Variants in CD36 observed in about 807,000 individuals in gnomAD.
CD36 encodes the protein platelet glycoprotein 4.
Under a neutral mutation model 55.2 loss-of-function variants are expected in CD36, and 119 were observed. The observed-to-expected ratio is 2.15, with a 90% CI of 1.86 to 2.51. The LOEUF (loss-of-function observed/expected upper bound fraction) is 2.51. Ranked by LOEUF, CD36 falls within the 30% of genes most tolerant of loss-of-function variation. The probability of loss-of-function intolerance (pLI) is 0.00; values close to 1 mark genes in which losing one functional copy is unlikely to be tolerated. For missense variants in CD36, 819 were observed against 555.5 expected, an observed-to-expected ratio of 1.47 and a Z score of -4.77; for synonymous variants, 186 against 193.6, an observed-to-expected ratio of 0.96 and a Z score of 0.33.
At chr7:80,664,359 G>GA (rs781646093) in intron 6 of CD36, 47 bp from the exon 7 acceptor site, 9 of 1,028,990 alleles carry the variant, frequency 8.7e-6, no homozygotes, top group East Asian at 2.4e-5. Flanking sequence ...GTACAACTTT[G>GA]AAAAAATGAC....
rs1449754068 is a variant in CD36, at chr7:80,643,267, G to A, written c.-183-2821G>A. Among the ~76,000 whole-genome samples the A allele has an allele frequency of 2.0e-5, 3 of 151,954 alleles. No homozygotes were observed. The South Asian group carries it at 6.2e-4, about 32-fold the overall frequency. On this transcript the variant is annotated intron_variant, in intron 1 of 14. Coordinates refer to ENST00000447544, the MANE Select transcript of CD36 (RefSeq NM_001001548.3). ...GGTTGTGGCATAGAATCTGGAGAAGGGCTAATATATGCACATATACCTATT... is the reference window on the plus strand; with the variant it reads ...GGTTGTGGCATAGAATCTGGAGAAGAGCTAATATATGCACATATACCTATT...
upstream of CD36, among the ~76,000 whole-genome samples, chr7:80,634,263 A>C (rs1418847965): frequency 6.6e-6 from 1 of 152,012 alleles, no homozygotes; most frequent in Non-Finnish European, 1.5e-5. Flanking sequence ...TGTGTTGACT[A>C]TGTTATTGTA....
intron 1 of CD36, among the ~76,000 whole-genome samples, chr7:80,626,447 A>T (rs10247260): frequency 0.35 from 52,702 of 151,864 alleles, 9,261 homozygotes; most frequent in South Asian, 0.45. Flanking sequence ...AAATCTACAG[A>T]ATGTGATTTA....
At chr7:80,670,102 C>T (rs575373003) in intron 9 of CD36, 80 bp downstream of exon 9, 2 of 848,130 alleles carry the variant, frequency 2.4e-6, no homozygotes, top group South Asian at 1.3e-5. Context: ...TTAAACACAG[C>T]ATAGGAAATT....
chr7:80,670,986 T>C lies in CD36; in HGVS notation c.828T>C (p.Tyr276=). ...FFSSDICRSI[Y]AVFESDVNLK... is the part of the protein sequence containing the mutation. ...TTTTCTCTGTATTTAGGTCAATCTA[T>C]GCTGTATTTGAATCCGACGTTAATC... Residue 276 remains tyrosine (Y), a synonymous_variant, in exon 10 of 15, where the codon TAT becomes TAC. Transcript: ENST00000447544. 6.2e-7 allele frequency: 1 copy of C among 1,611,924 alleles called. No individual in the cohort carries two copies. The highest frequency in any genetic ancestry group is 8.5e-7 in the Non-Finnish European group (1 of 1,178,116).
chr7:80,640,380 A>G (rs947028029), intron 1 of CD36, among the ~76,000 whole-genome samples: 2 of 152,046 alleles, frequency 1.3e-5, no homozygotes, highest in Non-Finnish European at 2.9e-5. Flanking sequence ...GTTTGAAATG[A>G]TACTTCATAG....
chr7:80,602,660 G>C (rs1005939837), intron 1 of CD36, among the ~76,000 whole-genome samples: 2 of 152,004 alleles, frequency 1.3e-5, no homozygotes, highest in Admixed American at 1.3e-4. Context: ...CTTTTACTTA[G>C]AAAACGTCAG....
At chr7:80,673,265 C>G (rs964996329) in intron 12 of CD36, 90 bp from the exon 13 acceptor site, 12 of 643,314 alleles carry the variant, frequency 1.9e-5, no homozygotes, top group Middle Eastern at 8.6e-4. Context: ...AAATTAGCAA[C>G]AGCAACTAAT....
At chr7:80,675,472 T>A (rs1273042938) in intron 14 of CD36, among the ~76,000 whole-genome samples, 1 of 152,194 alleles carries the variant, frequency 6.6e-6, no homozygotes, top group Non-Finnish European at 1.5e-5. Flanking sequence ...GATCCTTGGA[T>A]GTCAGATTCC....
intron 8 of CD36, 70 bp downstream of exon 8, chr7:80,666,559 G>C (rs1797114316): frequency 8.6e-7 from 1 of 1,164,438 alleles, no homozygotes; most frequent in African/African-American, 1.5e-5. Context: ...CCGTTGTACT[G>C]ACAGTGTTCT....
At chr7:80,668,837 A>C (rs892202103) in intron 8 of CD36, among the ~76,000 whole-genome samples, 1 of 152,228 alleles carries the variant, frequency 6.6e-6, no homozygotes, top group Non-Finnish European at 1.5e-5. Flanking sequence ...GAGACTTACC[A>C]TTTAAAACTC....
chr7:80,635,345 C>T (rs962477827), upstream of CD36, among the ~76,000 whole-genome samples: 2 of 152,098 alleles, frequency 1.3e-5, no homozygotes, highest in Non-Finnish European at 2.9e-5. Context: ...ACAATCTTAG[C>T]TCACTGCAAA....
In CD36 at chr7:80,674,103, T is replaced by TTTATGATTTCATATTGTGCA. The variant is rs747104060; in HGVS notation, c.1377_1396dup (p.Cys466LeufsTer2). 1.1e-5 allele frequency: 18 copies of TTTATGATTTCATATTGTGCA among 1,612,498 alleles called. No homozygotes were observed. The highest frequency in any genetic ancestry group is 1.5e-5 in the Non-Finnish European group (18 of 1,179,012). ...TGTTGGTGTGGTGATGTTTGTTGCT[T>TTTATGATTTCATATTGTGCA]TTATGATTTCATATTGTGCATGCAG... On this transcript the variant is annotated frameshift_variant, in exon 14 of 15. Transcript: ENST00000447544. LOFTEE classifies it high-confidence loss of function.
In CD36 at chr7:80,627,203, T is replaced by G. The variant is rs544707999; in HGVS notation, c.-183-18885T>G. 4.3e-4 allele frequency among the ~76,000 whole-genome samples: 65 copies of G among 152,244 alleles called. 1 individual carries two copies. The highest frequency in any genetic ancestry group is 1.5e-3 in the African/African-American group (64 of 41,576). On this transcript the variant is annotated intron_variant, in intron 1 of 13. Coordinates refer to the CD36 transcript ENST00000309881. ...TACATTTGATTATATTTTAAATTTT[T>G]TCTTTATATTTTATCCATTGCCTTG...
intron 1 of CD36, among the ~76,000 whole-genome samples, chr7:80,613,482 T>A (rs1369206313): frequency 3.9e-5 from 6 of 152,148 alleles, no homozygotes; most frequent in African/African-American, 1.4e-4. Flanking sequence ...TTCATTCTTC[T>A]CTTTCTCCTT....
At chr7:80,664,579 C>A in intron 7 of CD36, 82 bp downstream of exon 7, 1 of 820,114 alleles carries the variant, frequency 1.2e-6, no homozygotes, top group Non-Finnish European at 2.2e-6. Context: ...TCTCATAAGA[C>A]ATAGGCATCA....
At chr7:80,624,770 C>T (rs1793654913) in intron 1 of CD36, among the ~76,000 whole-genome samples, 1 of 151,860 alleles carries the variant, frequency 6.6e-6, no homozygotes, top group African/African-American at 2.4e-5. Context: ...CCTAGGAAGA[C>T]TGTTAAGTTA....
At chr7:80,673,930 T>G in intron 13 of CD36, 53 bp from the exon 14 acceptor site, 3 of 1,364,322 alleles carry the variant, frequency 2.2e-6, no homozygotes, top group Non-Finnish European at 3.1e-6. Context: ...TTGAAGGGTT[T>G]ATTTTGTTTT....
chr7:80,671,828 G>T (rs185691493), intron 10 of CD36, 94 bp from the exon 11 acceptor site: 3 of 1,128,002 alleles, frequency 2.7e-6, no homozygotes, highest in East Asian at 2.4e-5. Context: ...ATTTTTTAAT[G>T]CAAGAAGCTT....
Sources: gnomAD v4.1 joint callset for allele counts (sites outside exome capture counted in the v4.1 genomes callset) on GRCh38, gnomAD v4.1.1 for gene constraint, MANE v1.5 for transcripts, NCBI Gene and HGNC (gene_info 2026-07-23, HGNC 2026-07-21) for gene names.